The following DSCAM variants were observed in gnomAD, a reference collection of about 807,000 sequenced individuals.
DSCAM encodes cell adhesion molecule DSCAM.
Under a neutral mutation model 217.7 loss-of-function variants are expected in DSCAM, and 47 were observed. The observed-to-expected ratio is 0.22, with a 90% CI of 0.17 to 0.28. DSCAM has a LOEUF of 0.28. DSCAM is among the 10% of genes least tolerant of loss of function. The pLI is 1.00. For missense variants in DSCAM, 2,080 were observed against 2,618.3 expected, an observed-to-expected ratio of 0.79 and a Z score of 4.49; for synonymous variants, 1,056 against 1,015.3, an observed-to-expected ratio of 1.04 and a Z score of -0.76.
Position 40,483,590 on chromosome 21 carries a change from A to G in DSCAM, c.509-114345T>C, listed in dbSNP as rs113043107. Among the ~76,000 whole-genome samples, 388 of 152,306 alleles carry G rather than the reference A, an allele frequency of 2.5e-3. 1 individual carries two copies. Among genetic ancestry groups the G allele is most frequent in the African/African-American group, 8.9e-3 (370 of 41,568 alleles). On this transcript the variant is annotated intron_variant, in intron 3 of 32. Transcript: ENST00000400454. Reference sequence around the variant, plus strand: ...AATTTTTTTCTTTTTATTTTCCTGTATAACGGAGGCATGTTATAATTAAAC... The same window carrying G: ...AATTTTTTTCTTTTTATTTTCCTGTGTAACGGAGGCATGTTATAATTAAAC...
intron 1 of DSCAM, among the ~76,000 whole-genome samples, chr21:40,831,199 G>T (rs1425012435): frequency 6.6e-6 from 1 of 152,322 alleles, no homozygotes; most frequent in East Asian, 1.9e-4. Context: ...CTCCACAGAA[G>T]GCAAATGTCC....
intron 3 of DSCAM, among the ~76,000 whole-genome samples, chr21:40,552,296 A>G (rs1473681303): frequency 6.7e-6 from 1 of 148,296 alleles, no homozygotes; most frequent in Non-Finnish European, 1.5e-5. Flanking sequence ...CTTGGGCAAC[A>G]GAGTGACACT....
At chr21:40,260,567 C>A (rs1486204138) in intron 11 of DSCAM, among the ~76,000 whole-genome samples, 2 of 152,154 alleles carry the variant, frequency 1.3e-5, no homozygotes, top group Non-Finnish European at 2.9e-5. Context: ...ACCTGGGAGT[C>A]CTCAAGAGAA....
At chr21:40,437,260 G>C (rs1439480629) in intron 3 of DSCAM, among the ~76,000 whole-genome samples, 1 of 152,100 alleles carries the variant, frequency 6.6e-6, no homozygotes, top group African/African-American at 2.4e-5. Context: ...TCAAGCAAGG[G>C]GAGACTTGCT....
chr21:40,512,101 T>C (rs1194073127), intron 3 of DSCAM, among the ~76,000 whole-genome samples: 1 of 151,962 alleles, frequency 6.6e-6, no homozygotes, highest in Non-Finnish European at 1.5e-5. Context: ...GGTTACACTG[T>C]TTTGCAAGAA....
chr21:40,511,097 A>G (rs1387655858), intron 3 of DSCAM, among the ~76,000 whole-genome samples: 3 of 152,176 alleles, frequency 2.0e-5, no homozygotes, highest in South Asian at 2.1e-4. Flanking sequence ...TAAAGGTTGG[A>G]TTTATTTGGG....
chr21:40,720,896 G>A (rs1008422537), intron 1 of DSCAM, among the ~76,000 whole-genome samples: 9 of 152,180 alleles, frequency 5.9e-5, no homozygotes, highest in East Asian at 5.8e-4. Context: ...TCCAGAGAGC[G>A]GAAGGAGCTT....
chr21:40,031,556 T>G (rs1004708521), intron 32 of DSCAM, among the ~76,000 whole-genome samples: 1 of 152,120 alleles, frequency 6.6e-6, no homozygotes, highest in Non-Finnish European at 1.5e-5. Context: ...TCTGAAGACA[T>G]GAGACAGGCA....
chr21:40,266,269 T>C (rs1157169950), intron 11 of DSCAM, among the ~76,000 whole-genome samples: 4 of 152,100 alleles, frequency 2.6e-5, no homozygotes, highest in African/African-American at 9.7e-5. Context: ...TCACTAACTA[T>C]TAGGGAAATG....
intron 1 of DSCAM, among the ~76,000 whole-genome samples, chr21:40,797,799 A>C (rs1283013856): frequency 6.6e-6 from 1 of 152,186 alleles, no homozygotes; most frequent in East Asian, 1.9e-4. Context: ...CCTTGATAGA[A>C]AGAAATCATT....
intron 11 of DSCAM, among the ~76,000 whole-genome samples, chr21:40,233,915 G>T (rs2091403782): frequency 6.6e-6 from 1 of 152,092 alleles, no homozygotes; most frequent in Non-Finnish European, 1.5e-5. Flanking sequence ...GACAGCCTCA[G>T]GTAAGGTCTG....
intron 3 of DSCAM, among the ~76,000 whole-genome samples, chr21:40,648,246 C>T (rs1230620309): frequency 8.0e-6 from 1 of 125,506 alleles, no homozygotes; most frequent in Non-Finnish European, 1.7e-5. Context: ...CATACATATC[C>T]CTGTACACAC....
chr21:40,311,216 T>C (rs2074133639), intron 9 of DSCAM, among the ~76,000 whole-genome samples: 2 of 152,336 alleles, frequency 1.3e-5, no homozygotes, highest in Admixed American at 1.3e-4. Context: ...ATGCAAATAA[T>C]CATTGTTAAT....
At position 40,200,962 on chromosome 21, in the gene DSCAM, A is replaced by C. The variant is rs575765239; in HGVS notation, c.2357-11724T>G. 1.1e-4 allele frequency among the ~76,000 whole-genome samples: 16 copies of C among 152,356 alleles called. No individual in the cohort carries two copies. The East Asian group carries it at 3.1e-3, about 29-fold the overall frequency. On this transcript the variant is annotated intron_variant, in intron 11 of 32. Transcript: ENST00000400454. ...TGAGGCTGCCTACTGGGCAGCTCTA[A>C]TCCTTATAAAGAAAATGATTTTTCC...
chr21:40,550,307 C>A (rs1004727552), intron 3 of DSCAM, among the ~76,000 whole-genome samples: 1 of 152,132 alleles, frequency 6.6e-6, no homozygotes, highest in Admixed American at 6.5e-5. Context: ...GGCGGATCAC[C>A]TGAGGTCAGA....
At chr21:40,770,991 A>C (rs1357320754) in intron 1 of DSCAM, among the ~76,000 whole-genome samples, 9 of 152,290 alleles carry the variant, frequency 5.9e-5, no homozygotes, top group East Asian at 3.9e-4. Context: ...TGAAAGAAAG[A>C]AAGCAGCCAA....
intron 3 of DSCAM, among the ~76,000 whole-genome samples, chr21:40,564,743 A>G (rs1308156528): frequency 6.6e-6 from 1 of 152,234 alleles, no homozygotes; most frequent in African/African-American, 2.4e-5. Flanking sequence ...CTGCCAGTCA[A>G]GAAATAAAAT....
Position 40,467,067 on chromosome 21 carries a change from T to C in DSCAM, c.509-97822A>G, listed in dbSNP as rs73361144. ...AACATAAGCCAAAGATGTATGTCTG[T>C]AGCTAAAGATATTTTGGCCACCAGA... On this transcript the variant is annotated intron_variant, in intron 3 of 32. Transcript: ENST00000400454. Among the ~76,000 whole-genome samples, 867 of 152,330 alleles carry C rather than the reference T, an allele frequency of 5.7e-3. 9 individuals are homozygous for C. The highest frequency in any genetic ancestry group is 0.019 in the African/African-American group (798 of 41,570).
intron 1 of DSCAM, among the ~76,000 whole-genome samples, chr21:40,755,129 T>C (rs1340006722): frequency 2.6e-5 from 4 of 151,840 alleles, no homozygotes; most frequent in African/African-American, 9.7e-5. Flanking sequence ...CATGGAGAGA[T>C]TTGGGGGATA....
Sources: gnomAD v4.1 joint callset for allele counts (sites outside exome capture counted in the v4.1 genomes callset) on GRCh38, gnomAD v4.1.1 for gene constraint, MANE v1.5 for transcripts, NCBI Gene and HGNC (gene_info 2026-07-23, HGNC 2026-07-21) for gene names.